SLC28A1: variants seen among roughly 807,000 people sequenced by gnomAD.
SLC28A1 encodes the protein sodium/nucleoside cotransporter 1.
SLC28A1 carries 64 observed loss-of-function variants against 74.8 expected under a neutral mutation model. That is an observed-to-expected ratio of 0.86 (90% confidence interval 0.70 to 1.05). The LOEUF (loss-of-function observed/expected upper bound fraction) is 1.05, where lower values mean the gene tolerates loss of function less well. Ranked by LOEUF, SLC28A1 falls within the 50% of genes least tolerant of loss-of-function variation. The pLI, the probability that SLC28A1 is intolerant of heterozygous loss-of-function variation, is 0.00. For synonymous variants in SLC28A1, 359 were observed against 335.0 expected (o/e 1.07, Z -0.78); for missense variants, 828 against 822.8 (o/e 1.01, Z -0.08).
At chr15:84,958,970 C>T in the SLC28A1 span, among the ~76,000 whole-genome samples, 1 of 151,522 alleles carries the variant, frequency 6.6e-6, no homozygotes, top group Non-Finnish European at 1.5e-5. Flanking sequence ...TTGAGTGGTG[C>T]ACACCTGTAG....
intron 7 of SLC28A1, 76 bp downstream of exon 7, chr15:84,904,314 G>A: frequency 1.2e-6 from 2 of 1,601,756 alleles, no homozygotes; most frequent in African/African-American, 1.3e-5. Flanking sequence ...TCTGGGAGCT[G>A]GGGTATAGGC....
At chr15:84,889,746 TTCCTTCCTTCCTTCCTTC>T (rs1331407811) in intron 4 of SLC28A1, among the ~76,000 whole-genome samples, 3,301 of 121,330 alleles carry the variant, frequency 0.027, 100 homozygotes, top group Middle Eastern at 0.05. Flanking sequence ...CCTTCCTTCC[TTCCTTCCTTCCTTCCTTC>T]CTTTTCTTTC....
intron 12 of SLC28A1, among the ~76,000 whole-genome samples, chr15:84,926,802 A>AGGGGGGG (rs544419272): frequency 1.1e-4 from 12 of 108,100 alleles, no homozygotes; most frequent in Non-Finnish European, 1.6e-4. Context: ...GGGTGGGGGG[A>AGGGGGGG]GGGGGGGGGT....
Position 84,887,821 on chromosome 15 carries a change from CTGGAGAACA to C in SLC28A1, c.65_73del (p.Glu22_Met24del). On this transcript the variant is annotated inframe_deletion, in exon 3 of 19. Coordinates refer to ENST00000394573, the MANE Select transcript of SLC28A1 (RefSeq NM_004213.5). ...CTCTCTCACACCTGTGGCCAAGGGT[CTGGAGAACA>C]TGGGGGCTGATTTCTTGGAAAGCCT... The C allele has an allele frequency of 1.2e-6, 2 of 1,614,020 alleles. No individual in the cohort carries two copies. Among genetic ancestry groups the C allele is most frequent in the Non-Finnish European group, 1.7e-6 (2 of 1,179,898 alleles).
chr15:84,973,805 A>G, the SLC28A1 span, among the ~76,000 whole-genome samples: 5 of 152,216 alleles, frequency 3.3e-5, no homozygotes, highest in Admixed American at 1.3e-4. Context: ...TGAAAAAGGC[A>G]TTCAATAAAG....
At chr15:84,935,692 C>T (rs1027661348) in intron 15 of SLC28A1, among the ~76,000 whole-genome samples, 174 bp downstream of exon 15, 9 of 152,302 alleles carry the variant, frequency 5.9e-5, no homozygotes, top group South Asian at 2.1e-4. Context: ...GCTTCGCTGC[C>T]ATCTTTCTCA....
chr15:84,921,191 T>A (rs1184383345), intron 11 of SLC28A1, 122 bp downstream of exon 11: 1 of 768,744 alleles, frequency 1.3e-6, no homozygotes, highest in African/African-American at 1.7e-5. Context: ...TCTCCCAGGG[T>A]CATCAAATTC....
intron 11 of SLC28A1, 110 bp downstream of exon 11, chr15:84,921,179 C>G: frequency 1.2e-6 from 1 of 839,660 alleles, no homozygotes; most frequent in East Asian, 2.6e-5. Flanking sequence ...CCATTTGAAC[C>G]TTCTCCCAGG....
rs868806828 is a variant in SLC28A1 at position 84,924,581 on chromosome 15, G to C, written c.1083+471G>C. Among the ~76,000 whole-genome samples the C allele has an allele frequency of 3.3e-5, 5 of 152,172 alleles. No individual in the cohort carries two copies. The South Asian group carries it at 1.0e-3, about 32-fold the overall frequency. On this transcript the variant is annotated intron_variant, in intron 12 of 18. Coordinates refer to ENST00000394573, the MANE Select transcript of SLC28A1 (RefSeq NM_004213.5). Reference sequence around the variant, plus strand: ...CTGCTCCTAAATTATTGCCTGTGCAGTTTACACAGCACAAAGAATTTGTAG... The same window carrying C: ...CTGCTCCTAAATTATTGCCTGTGCACTTTACACAGCACAAAGAATTTGTAG...
chr15:84,938,561 AGTAT>A (rs1972242310), intron 15 of SLC28A1: 1 of 152,166 alleles, frequency 6.6e-6, no homozygotes, highest in African/African-American at 2.4e-5. Context: ...TCCTTCAGCA[AGTAT>A]TTGTTGAGAC....
At chr15:84,905,718 G>C (rs1966994223) in intron 8 of SLC28A1, 66 bp downstream of exon 8, 1 of 1,198,914 alleles carries the variant, frequency 8.3e-7, no homozygotes, top group African/African-American at 1.5e-5. Context: ...GAAGCCACTT[G>C]GCAGGGGGAA....
rs1347479085 is a variant in SLC28A1, at chr15:84,887,044, C to CAA, written c.-17+258_-17+259insAA. On this transcript the variant is annotated intron_variant, in intron 2 of 18. Coordinates refer to ENST00000394573, the MANE Select transcript of SLC28A1 (RefSeq NM_004213.5). ...GAGCTTAAGCCTACGAACTGAGCTT[C>CAA]AGCAAAAAATGAACTATATTGATTC... Among the ~76,000 whole-genome samples, 24 of 152,272 alleles carry CAA rather than the reference C, an allele frequency of 1.6e-4. 1 individual carries two copies. The South Asian group carries it at 4.3e-3, about 28-fold the overall frequency.
downstream of SLC28A1, among the ~76,000 whole-genome samples, chr15:84,949,124 C>A (rs550778864): frequency 6.6e-6 from 1 of 152,246 alleles, no homozygotes; most frequent in South Asian, 2.1e-4. Flanking sequence ...CTTCTCTGAG[C>A]CAGGCACCCT....
At chr15:84,933,106 C>G in intron 12 of SLC28A1, 39 bp from the exon 13 acceptor site, 1 of 1,610,074 alleles carries the variant, frequency 6.2e-7, no homozygotes, top group Non-Finnish European at 8.5e-7. Flanking sequence ...AGCATTTCTT[C>G]TGACTGTCCA....
chr15:84,910,671 T>G (rs1023225258), intron 9 of SLC28A1, among the ~76,000 whole-genome samples: 1 of 152,144 alleles, frequency 6.6e-6, no homozygotes, highest in South Asian at 2.1e-4. Context: ...GAGGTTGCAG[T>G]GAGCTGAGAT....
chr15:84,943,408 A>AGG, intron 15 of SLC28A1, 37 bp from the exon 16 acceptor site: 2 of 1,522,936 alleles, frequency 1.3e-6, no homozygotes, highest in Non-Finnish European at 1.8e-6. Flanking sequence ...GGCCCATCTG[A>AGG]GGGGAGCCCC....
chr15:84,923,940 C>T, intron 11 of SLC28A1, 45 bp from the exon 12 acceptor site: 1 of 1,613,592 alleles, frequency 6.2e-7, no homozygotes, highest in Non-Finnish European at 8.5e-7. Context: ...GAGGATGTGC[C>T]CAATCACCCC....
At chr15:84,915,515 C>T (rs1413791179) in intron 9 of SLC28A1, among the ~76,000 whole-genome samples, 1 of 152,202 alleles carries the variant, frequency 6.6e-6, no homozygotes, top group Non-Finnish European at 1.5e-5. Context: ...CTGCTTCTTG[C>T]AAGGGCTGTC....
At chr15:84,896,227 C>T (rs1456688349) in intron 6 of SLC28A1, among the ~76,000 whole-genome samples, 2 of 152,204 alleles carry the variant, frequency 1.3e-5, no homozygotes, top group Non-Finnish European at 2.9e-5. Flanking sequence ...ATGTACAAAT[C>T]ATATGTCTGC....
Sources: allele counts gnomAD v4.1 joint callset (sites outside exome capture counted in the v4.1 genomes callset), GRCh38; gene constraint gnomAD v4.1.1; transcripts MANE v1.5; gene names NCBI Gene and HGNC (gene_info 2026-07-23, HGNC 2026-07-21).